The following SS18 variants were observed in gnomAD, a reference collection of about 807,000 sequenced individuals.
The protein encoded by SS18 is protein SSXT.
SS18 carries 28 observed loss-of-function variants against 72.5 expected under a neutral mutation model. That is an observed-to-expected ratio of 0.39 (90% CI 0.29 to 0.53). The LOEUF (loss-of-function observed/expected upper bound fraction) is 0.53, where lower values mean the gene tolerates loss of function less well. SS18 is among the 20% of genes least tolerant of loss of function. SS18 has a pLI of 0.76. For synonymous variants in SS18, 172 were observed against 164.2 expected (o/e 1.05, Z -0.37); for missense variants, 518 against 535.3 (o/e 0.97, Z 0.32).
intron 5 of SS18, among the ~76,000 whole-genome samples, chr18:26,049,337 T>C (rs1053056434): frequency 6.6e-6 from 1 of 152,092 alleles, no homozygotes; most frequent in Non-Finnish European, 1.5e-5. Context: ...ACTGAAGAAA[T>C]GAAAGAAATA....
At chr18:26,053,977 G>T (rs556366986) in intron 4 of SS18, among the ~76,000 whole-genome samples, 1 of 152,106 alleles carries the variant, frequency 6.6e-6, no homozygotes, top group African/African-American at 2.4e-5. Context: ...GTGGGAGATT[G>T]GTTCCAGAAC....
chr18:26,090,896 A>G, upstream of SS18: 1 of 374,444 alleles, frequency 2.7e-6, no homozygotes, highest in Non-Finnish European at 4.8e-6. Flanking sequence ...TCAGCGATTC[A>G]GGAAATGGTC....
Position 26,017,462 on chromosome 18 carries a change from C to G in SS18, c.*892G>C, listed in dbSNP as rs1173556831. On this transcript the variant is annotated 3_prime_UTR_variant, in exon 11 of 11. Transcript: ENST00000415083. ...GCTTTGATATTACTTACTAAGTTCC[C>G]TGATAACTCAAACAAGGTAAAATTA... is the stretch of plus-strand genomic sequence containing the variant. 1 of 193,562 alleles carries G rather than the reference C, an allele frequency of 5.2e-6. No individual in the cohort carries two copies. Among genetic ancestry groups the G allele is most frequent in the East Asian group, 8.3e-5 (1 of 12,120 alleles). The allele number at this position is 193,562 out of a possible 1,614,324, so 12.0% of individuals were successfully genotyped here. A position where few individuals can be genotyped will look rare whatever the true frequency, so the allele number is the denominator to read the frequency against.
At chr18:26,061,552 T>TA (rs1419440531) in intron 3 of SS18, among the ~76,000 whole-genome samples, 1 of 151,436 alleles carries the variant, frequency 6.6e-6, no homozygotes, top group Non-Finnish European at 1.5e-5. Flanking sequence ...TCAGTGAAAA[T>TA]AAGACATATC....
At chr18:26,076,308 G>C (rs2054411211) in intron 3 of SS18, among the ~76,000 whole-genome samples, 2 of 150,512 alleles carry the variant, frequency 1.3e-5, no homozygotes, top group Non-Finnish European at 1.5e-5. Flanking sequence ...TATAACAAGA[G>C]AGTGGAATTC....
intron 3 of SS18, among the ~76,000 whole-genome samples, chr18:26,067,186 C>G (rs1461545806): frequency 6.6e-6 from 1 of 152,172 alleles, no homozygotes; most frequent in Non-Finnish European, 1.5e-5. Flanking sequence ...CACAGTCTTG[C>G]TTCCTGTTTT....
At chr18:26,053,295 G>A (rs996089457) in intron 4 of SS18, among the ~76,000 whole-genome samples, 1 of 151,960 alleles carries the variant, frequency 6.6e-6, no homozygotes, top group Non-Finnish European at 1.5e-5. Flanking sequence ...GGAGCCATCT[G>A]GAAAAAACAA....
intron 10 of SS18, among the ~76,000 whole-genome samples, chr18:26,020,098 T>C (rs1347904173): frequency 6.6e-6 from 1 of 152,218 alleles, no homozygotes; most frequent in Non-Finnish European, 1.5e-5. Flanking sequence ...AAGAAAGTTA[T>C]TGGTTAGCAT....
At chr18:26,047,756 T>C (rs890091825) in intron 5 of SS18, among the ~76,000 whole-genome samples, 8 of 152,130 alleles carry the variant, frequency 5.3e-5, no homozygotes, top group East Asian at 1.9e-4. Context: ...GGCAGGAGAA[T>C]GGCATGAACC....
At chr18:26,083,764 A>G (rs2054570550) in intron 2 of SS18, among the ~76,000 whole-genome samples, 1 of 152,164 alleles carries the variant, frequency 6.6e-6, no homozygotes, top group Admixed American at 6.5e-5. Context: ...TTGTATTCTA[A>G]TAAGTGCCTC....
intron 10 of SS18, among the ~76,000 whole-genome samples, chr18:26,028,433 T>A (rs1240816265): frequency 6.6e-6 from 1 of 152,228 alleles, no homozygotes; most frequent in Non-Finnish European, 1.5e-5. Context: ...AATATATACC[T>A]ATCATATGAT....
intron 3 of SS18, chr18:26,068,566 A>T (rs2054258901): frequency 6.6e-6 from 1 of 152,236 alleles, no homozygotes. Context: ...ACCTGTAAAA[A>T]GGAAACTCTG....
At chr18:26,083,610 T>C (rs561710543) in intron 2 of SS18, among the ~76,000 whole-genome samples, 1 of 152,262 alleles carries the variant, frequency 6.6e-6, no homozygotes, top group South Asian at 2.1e-4. Context: ...AACTGAATGG[T>C]AAGTATTTGT....
At chr18:26,071,275 T>C (rs537962014) in intron 3 of SS18, among the ~76,000 whole-genome samples, 2 of 152,162 alleles carry the variant, frequency 1.3e-5, no homozygotes, top group East Asian at 1.9e-4. Context: ...AAAGAAATCT[T>C]CCAATATCTA....
chr18:26,022,183 T>G (rs78318099), intron 10 of SS18, among the ~76,000 whole-genome samples: 1 of 152,178 alleles, frequency 6.6e-6, no homozygotes, highest in Admixed American at 6.6e-5. Flanking sequence ...TAGAAAGTAG[T>G]GGCCTTATTT....
In SS18 at chr18:26,090,557, A is replaced by G. The variant is rs758854115; in HGVS notation, c.13T>C (p.Phe5Leu). MSVA[F>L]AAPRQRGKGE... ...TTGCCTCGCTGCCTCGGGGCCGCGA[A>G]AGCCACAGACATGTTGCCGCCGTCA... The change falls in exon 1 of 11, where the codon TTC becomes CTC. Residue 5 changes from phenylalanine (F) to leucine (L), a missense_variant. Phe to Leu is a conservative substitution (Grantham distance 22, BLOSUM62 0). Coordinates refer to ENST00000415083, the MANE Select transcript of SS18 (RefSeq NM_001007559.3). 6.3e-7 allele frequency: 1 copy of G among 1,586,828 alleles called. No individual in the cohort carries two copies. Among genetic ancestry groups the G allele is most frequent in the Non-Finnish European group, 8.6e-7 (1 of 1,167,346 alleles).
intron 2 of SS18, among the ~76,000 whole-genome samples, chr18:26,087,063 A>C (rs2054627576): frequency 6.6e-6 from 1 of 152,250 alleles, no homozygotes; most frequent in Non-Finnish European, 1.5e-5. Context: ...CAGCTGCATA[A>C]CGGAAAAAAA....
chr18:26,039,786 C>G (rs2053692836), intron 5 of SS18, among the ~76,000 whole-genome samples: 1 of 152,102 alleles, frequency 6.6e-6, no homozygotes, highest in South Asian at 2.1e-4. Flanking sequence ...TTTATCTATA[C>G]CATCTTTCTT....
intron 5 of SS18, among the ~76,000 whole-genome samples, chr18:26,049,997 A>C (rs183659705): frequency 1.3e-5 from 2 of 152,362 alleles, no homozygotes. Context: ...CTGTAATCCC[A>C]ACACTTCGGG....
Sources: gnomAD v4.1 joint callset for allele counts (sites outside exome capture counted in the v4.1 genomes callset) on GRCh38, gnomAD v4.1.1 for gene constraint, MANE v1.5 for transcripts, NCBI Gene and HGNC (gene_info 2026-07-23, HGNC 2026-07-21) for gene names.